ST13: variants seen among roughly 807,000 people sequenced by gnomAD.
The protein encoded by ST13 is ST13 Hsp70 interacting protein.
A neutral mutation model predicts 56.7 loss-of-function variants in ST13; 23 were observed. That is an observed-to-expected ratio of 0.41 (90% CI 0.29 to 0.57). The LOEUF (loss-of-function observed/expected upper bound fraction) is 0.57, where lower values mean the gene tolerates loss of function less well. ST13 is among the 20% of genes least tolerant of loss of function. The probability of loss-of-function intolerance (pLI) is 0.36; values close to 1 mark genes in which losing one functional copy is unlikely to be tolerated. For synonymous variants in ST13, 132 were observed against 142.4 expected (o/e 0.93, Z 0.52); for missense variants, 369 against 459.9 (o/e 0.80, Z 1.81).
intron 4 of ST13, among the ~76,000 whole-genome samples, chr22:40,842,022 A>C (rs574668963): frequency 6.6e-6 from 1 of 152,388 alleles, no homozygotes; most frequent in Admixed American, 6.5e-5. Flanking sequence ...ACCGGCAAGC[A>C]TAATGGTATA....
chr22:40,854,480 A>G (rs936851576), intron 1 of ST13: 3 of 152,248 alleles, frequency 2.0e-5, no homozygotes, highest in Admixed American at 6.5e-5. Context: ...AATAAGGTAT[A>G]TGACTATTTC....
In ST13 at chr22:40,829,545, C is replaced by G. The variant is rs189157071; in HGVS notation, c.847+81G>C. On this transcript the variant is annotated intron_variant, in intron 10 of 11. Coordinates refer to ENST00000216218, the MANE Select transcript of ST13 (RefSeq NM_003932.5). ...ATAAGAGAACAAAATCAGAATATCA[C>G]TTTATAATAAATATTAAGTATTATA... is the stretch of plus-strand genomic sequence containing the variant. 1.8e-3 allele frequency: 1,180 copies of G among 663,544 alleles called. 4 individuals are homozygous for G. Among genetic ancestry groups the G allele is most frequent in the South Asian group, 2.4e-3 (41 of 17,338 alleles). The allele number at this position is 663,544 out of a possible 1,614,324, so 41.1% of individuals were successfully genotyped here.
chr22:40,827,074 A>C, intron 11 of ST13, 22 bp downstream of exon 11: 3 of 1,608,938 alleles, frequency 1.9e-6, no homozygotes, highest in Non-Finnish European at 2.5e-6. Context: ...ACAAAGTCCA[A>C]AGTTTTTCTT....
intron 9 of ST13, 37 bp downstream of exon 9, chr22:40,830,803 G>C: frequency 7.2e-7 from 1 of 1,396,012 alleles, no homozygotes. Context: ...ATAATTTGCC[G>C]TATTTTCCTT....
At chr22:40,842,401 G>A (rs184192758) in intron 4 of ST13, among the ~76,000 whole-genome samples, 7 of 152,300 alleles carry the variant, frequency 4.6e-5, no homozygotes. Context: ...GGAATTTAAT[G>A]TGTTTAATAA....
At chr22:40,836,356 A>G (rs2057777425) in intron 5 of ST13, among the ~76,000 whole-genome samples, 1 of 152,182 alleles carries the variant, frequency 6.6e-6, no homozygotes, top group South Asian at 2.1e-4. Context: ...GAGGCTGAGG[A>G]GTGGCGCGAA....
intron 1 of ST13, 147 bp downstream of exon 1, chr22:40,856,283 TC>T (rs2057894477): frequency 1.4e-6 from 1 of 697,108 alleles, no homozygotes; most frequent in African/African-American, 1.8e-5. Context: ...CTCGCGATCT[TC>T]CATGACCCCT....
At chr22:40,835,421 C>T in intron 7 of ST13, 139 bp downstream of exon 7, 2 of 647,998 alleles carry the variant, frequency 3.1e-6, no homozygotes, top group Non-Finnish European at 5.4e-6. Context: ...TACAAGCTAT[C>T]TCACTTCTTG....
chr22:40,833,577 A>G (rs1489497276), intron 7 of ST13, among the ~76,000 whole-genome samples: 1 of 146,196 alleles, frequency 6.8e-6, no homozygotes, highest in African/African-American at 2.5e-5. Flanking sequence ...AAAAAAAAAA[A>G]AAAAGAAATA....
chr22:40,843,310 G>C (rs1050876470), intron 4 of ST13, among the ~76,000 whole-genome samples: 1 of 152,190 alleles, frequency 6.6e-6, no homozygotes. Context: ...CAATGGAAGC[G>C]GGGAGACTTG....
In ST13 at chr22:40,856,376, C is replaced by A; in HGVS notation, c.110+55G>T. 15 of 1,486,930 alleles carry A rather than the reference C, an allele frequency of 1.0e-5. No individual in the cohort carries two copies. In the South Asian group the frequency reaches 1.6e-4, roughly 16 times the overall value. The allele number at this position is 1,486,930 out of a possible 1,614,324, so 92.1% of individuals were successfully genotyped here. A position where few individuals can be genotyped will look rare whatever the true frequency, so the allele number is the denominator to read the frequency against. ...GGACCGAGCCAGGTCCAGCCTGGCT[C>A]CCCCCTGGGGCCGTGCTTCCCCCGC... On this transcript the variant is annotated intron_variant, in intron 1 of 11. Coordinates refer to ENST00000216218, the MANE Select transcript of ST13 (RefSeq NM_003932.5).
At chr22:40,847,556 GAA>G (rs1177807946) in intron 3 of ST13, among the ~76,000 whole-genome samples, 5 of 84,048 alleles carry the variant, frequency 5.9e-5, no homozygotes, top group African/African-American at 1.3e-4. Flanking sequence ...CTCAAAAAAA[GAA>G]AAAAAAAAAA....
chr22:40,847,405 C>T (rs1026299144), intron 3 of ST13, among the ~76,000 whole-genome samples: 1 of 151,598 alleles, frequency 6.6e-6, no homozygotes, highest in Non-Finnish European at 1.5e-5. Context: ...AAAAATTAGC[C>T]GTGCCTGGTG....
chr22:40,832,785 T>C, intron 7 of ST13, 114 bp from the exon 8 acceptor site: 2 of 766,202 alleles, frequency 2.6e-6, no homozygotes, highest in Non-Finnish European at 4.3e-6. Flanking sequence ...AAGTTAAATA[T>C]TAACTATAAA....
At chr22:40,844,758 G>GA (rs2057822336) in intron 4 of ST13, 81 bp downstream of exon 4, 1 of 1,196,290 alleles carries the variant, frequency 8.4e-7, no homozygotes, top group Non-Finnish European at 1.2e-6. Context: ...TTTCCTGGAA[G>GA]AATCGTGTCA....
chr22:40,832,166 A>G (rs1373854295), intron 8 of ST13: 1 of 471,456 alleles, frequency 2.1e-6, no homozygotes, highest in Non-Finnish European at 4.4e-6. Context: ...AAAGCCTGAA[A>G]CTTCTTAACT....
At chr22:40,829,484 ATTTCT>A (rs1439985480) in intron 10 of ST13, 137 bp downstream of exon 10, 4 of 401,570 alleles carry the variant, frequency 1.0e-5, no homozygotes, top group South Asian at 1.3e-4. Context: ...TAATTCCATC[ATTTCT>A]TTTACCTAGG....
At chr22:40,839,914 G>T (rs2057794937) in intron 5 of ST13, among the ~76,000 whole-genome samples, 1 of 152,174 alleles carries the variant, frequency 6.6e-6, no homozygotes, top group South Asian at 2.1e-4. Flanking sequence ...ACTTTGGGAG[G>T]CTGAGGCGGG....
At chr22:40,849,479 CAAA>C (rs57060131) in intron 2 of ST13, among the ~76,000 whole-genome samples, 502 of 55,038 alleles carry the variant, frequency 9.1e-3, no homozygotes, top group African/African-American at 0.025. Flanking sequence ...GACTCTGTCT[CAAA>C]AAAAAAAAAA....
Sources: gnomAD v4.1 joint callset for allele counts (sites outside exome capture counted in the v4.1 genomes callset) on GRCh38, gnomAD v4.1.1 for gene constraint, MANE v1.5 for transcripts, NCBI Gene and HGNC (gene_info 2026-07-23, HGNC 2026-07-21) for gene names.